Variants in MSRA observed in about 807,000 individuals in gnomAD.
MSRA encodes the protein mitochondrial peptide methionine sulfoxide reductase.
MSRA carries 54 observed loss-of-function variants against 31.3 expected under a neutral mutation model. The ratio of observed to expected loss-of-function variants is 1.73; its 90% CI spans 1.39 to 2.17. The LOEUF is 2.17. Ranked by LOEUF, MSRA falls within the 30% of genes most tolerant of loss-of-function variation. The pLI is 0.00. For synonymous variants in MSRA, 169 were observed against 116.5 expected, an observed-to-expected ratio of 1.45 and a Z score of -2.90; for missense variants, 507 against 300.9, an observed-to-expected ratio of 1.69 and a Z score of -5.07.
intron 3 of MSRA, 85 bp downstream of exon 3, chr8:10,245,308 G>C: frequency 1.6e-6 from 2 of 1,271,860 alleles, no homozygotes; most frequent in Non-Finnish European, 2.2e-6. Context: ...CTTTAAAATG[G>C]AAATATGTTT....
At chr8:10,142,531 A>G (rs1327998071) in intron 1 of MSRA, among the ~76,000 whole-genome samples, 3 of 152,224 alleles carry the variant, frequency 2.0e-5, no homozygotes, top group Non-Finnish European at 2.9e-5. Flanking sequence ...AGCATTTCTG[A>G]CAAAGGTGAA....
intron 2 of MSRA, among the ~76,000 whole-genome samples, chr8:10,220,871 G>T (rs1810433077): frequency 6.6e-6 from 1 of 152,204 alleles, no homozygotes; most frequent in Admixed American, 6.5e-5. Context: ...AAGGGAGGAG[G>T]ACTGGGGAGG....
At chr8:10,266,403 G>A (rs1237538249) in intron 3 of MSRA, among the ~76,000 whole-genome samples, 2 of 152,086 alleles carry the variant, frequency 1.3e-5, no homozygotes, top group African/African-American at 4.8e-5. Context: ...TAAATTGTCT[G>A]TTCAAATCTC....
intron 1 of MSRA, among the ~76,000 whole-genome samples, chr8:10,170,390 TG>T (rs1805493111): frequency 6.6e-6 from 1 of 152,202 alleles, no homozygotes; most frequent in South Asian, 2.1e-4. Context: ...GAGAACACAG[TG>T]AGAAGATAGC....
chr8:10,428,230 A>G lies in MSRA; in HGVS notation c.626A>G (p.Gln209Arg), dbSNP rs1809313787. Residue 209 changes from glutamine (Q) to arginine (R), a missense_variant, in exon 6 of 6, where the codon CAG becomes CGG. By Grantham distance (43) the Gln-to-Arg change is conservative. Transcript: ENST00000317173. ...QTFYYAEDYH[Q>R]QYLSKNPNGY... ...TTCTACTATGCGGAAGACTACCACC[A>G]GCAGTACCTGAGCAAGAACCCCAAT... 1.2e-6 allele frequency: 2 copies of G among 1,614,224 alleles called. No homozygotes were observed. Among genetic ancestry groups the G allele is most frequent in the African/African-American group, 1.3e-5 (1 of 75,058 alleles).
At chr8:10,163,991 C>G (rs1206808334) in intron 1 of MSRA, among the ~76,000 whole-genome samples, 2 of 152,252 alleles carry the variant, frequency 1.3e-5, no homozygotes, top group Non-Finnish European at 2.9e-5. Flanking sequence ...GGGCCCACCC[C>G]TGGAAATGTA....
chr8:10,210,210 C>T (rs1809354393), intron 2 of MSRA, among the ~76,000 whole-genome samples: 1 of 152,112 alleles, frequency 6.6e-6, no homozygotes, highest in Non-Finnish European at 1.5e-5. Flanking sequence ...AGCTGATGGA[C>T]TCATATACTC....
intron 2 of MSRA, among the ~76,000 whole-genome samples, chr8:10,244,720 A>T (rs532424411): frequency 1.3e-5 from 2 of 152,320 alleles, no homozygotes; most frequent in East Asian, 3.9e-4. Context: ...ATATTTTTTT[A>T]AAAATATGTG....
chr8:10,417,708 T>TAAA (rs1563458410), intron 5 of MSRA, among the ~76,000 whole-genome samples: 1 of 146,450 alleles, frequency 6.8e-6, no homozygotes, highest in African/African-American at 2.5e-5. Context: ...CCCTATGGAC[T>TAAA]AAAATAGCTG....
intron 1 of MSRA, among the ~76,000 whole-genome samples, chr8:10,071,954 A>T (rs751819087): frequency 2.0e-5 from 3 of 152,174 alleles, no homozygotes; most frequent in Non-Finnish European, 4.4e-5. Flanking sequence ...AGTAGTGCGT[A>T]TGGGTCCCCT....
chr8:10,334,600 C>T (rs1309883422), intron 5 of MSRA, among the ~76,000 whole-genome samples: 3 of 152,218 alleles, frequency 2.0e-5, no homozygotes, highest in East Asian at 3.9e-4. Context: ...GGCCGCGGGA[C>T]GCCCGCTTGC....
intron 1 of MSRA, among the ~76,000 whole-genome samples, chr8:10,129,029 C>T (rs551786407): frequency 6.5e-4 from 99 of 152,276 alleles, no homozygotes; most frequent in African/African-American, 2.3e-3. Context: ...TTGCAAGCCC[C>T]TTGAGGGGTA....
chr8:10,398,695 G>A (rs1477616135), intron 5 of MSRA, among the ~76,000 whole-genome samples: 1 of 152,256 alleles, frequency 6.6e-6, no homozygotes, highest in Non-Finnish European at 1.5e-5. Context: ...TCTTCTGGAA[G>A]CTGAAAGTCC....
chr8:10,277,141 T>C (rs1799361840), intron 3 of MSRA, among the ~76,000 whole-genome samples: 1 of 152,226 alleles, frequency 6.6e-6, no homozygotes, highest in Non-Finnish European at 1.5e-5. Context: ...AAAATGTCCT[T>C]AATAATTTTT....
chr8:10,128,559 G>A (rs1801665081), intron 1 of MSRA, among the ~76,000 whole-genome samples: 1 of 152,126 alleles, frequency 6.6e-6, no homozygotes, highest in Non-Finnish European at 1.5e-5. Context: ...TGAGGCTGGT[G>A]TAGGCTCACT....
intron 5 of MSRA, among the ~76,000 whole-genome samples, chr8:10,414,877 C>A (rs933487364): frequency 8.5e-5 from 13 of 152,128 alleles, no homozygotes; most frequent in African/African-American, 2.9e-4. Flanking sequence ...AGATTATAAC[C>A]CCTCAGAGAT....
chr8:10,088,397 G>C (rs1473187232), intron 1 of MSRA, among the ~76,000 whole-genome samples: 1 of 152,216 alleles, frequency 6.6e-6, no homozygotes, highest in Non-Finnish European at 1.5e-5. Flanking sequence ...GTATGCTGCA[G>C]CATTATTGAC....
rs1369282579 is a variant in MSRA, at chr8:10,054,520, C to T, written c.4C>T (p.Leu2Phe). 1.3e-5 allele frequency: 20 copies of T among 1,580,680 alleles called. No individual in the cohort carries two copies. The highest frequency in any genetic ancestry group is 1.6e-5 in the Non-Finnish European group (19 of 1,164,224). Residue 2 changes from leucine to phenylalanine, a missense_variant, in exon 1 of 6, where the codon CTC becomes TTC. By Grantham distance (22) the Leu-to-Phe change is conservative. Transcript: ENST00000317173. ...ACCCTTCGGCTGGCGCCCTCCCATG[C>T]TCTCGGCCACCCGGAGGGCTTGCCA... M[L>F]SATRRACQLL...
intron 5 of MSRA, among the ~76,000 whole-genome samples, chr8:10,405,742 T>TTCACACACACCCATGTGC (rs1445556739): frequency 6.6e-6 from 1 of 151,778 alleles, no homozygotes; most frequent in Admixed American, 6.6e-5. Context: ...CACACGTGTG[T>TTCACACACACCCATGTGC]TCACACACAC....
Sources: gnomAD v4.1 joint callset for allele counts (sites outside exome capture counted in the v4.1 genomes callset) on GRCh38, gnomAD v4.1.1 for gene constraint, MANE v1.5 for transcripts, NCBI Gene and HGNC (gene_info 2026-07-23, HGNC 2026-07-21) for gene names.